Variants in TNFRSF13B observed in about 807,000 individuals in gnomAD.
The protein encoded by TNFRSF13B is tumor necrosis factor receptor superfamily member 13B.
In TNFRSF13B, 34 loss-of-function variants were observed where a neutral mutation model predicts 24.0. That is an observed-to-expected ratio of 1.41 (90% CI 1.08 to 1.88). The LOEUF (loss-of-function observed/expected upper bound fraction) is 1.88, where lower values mean the gene tolerates loss of function less well. Among genes scored for constraint, TNFRSF13B ranks in the 40% most tolerant of loss-of-function variants. The probability of loss-of-function intolerance (pLI) is 0.00; values close to 1 mark genes in which losing one functional copy is unlikely to be tolerated. For synonymous variants in TNFRSF13B, 173 were observed against 150.3 expected, an observed-to-expected ratio of 1.15 and a Z score of -1.10; for missense variants, 415 against 380.8, an observed-to-expected ratio of 1.09 and a Z score of -0.75.
At chr17:16,942,501 G>A (rs560508950) in intron 3 of TNFRSF13B, among the ~76,000 whole-genome samples, 347 of 152,260 alleles carry the variant, frequency 2.3e-3, no homozygotes, top group Non-Finnish European at 3.6e-3. Context: ...CTGTCCTTCT[G>A]TCCAGTGCCC....
chr17:16,941,916 A>G lies in TNFRSF13B; in HGVS notation c.446-1405T>C, dbSNP rs8079680. Reference sequence around the variant, plus strand: ...ACTTGGCTTTGAGTTTTCAAGGTCCACCATGTCCTGCCGTGCTGTGTATTA... The same window carrying G: ...ACTTGGCTTTGAGTTTTCAAGGTCCGCCATGTCCTGCCGTGCTGTGTATTA... On this transcript the variant is annotated intron_variant, in intron 3 of 4. Transcript: ENST00000261652. Among the ~76,000 whole-genome samples, 573 of 152,292 alleles carry G rather than the reference A, an allele frequency of 3.8e-3. 6 individuals carry two copies. Among genetic ancestry groups the G allele is most frequent in the African/African-American group, 0.013 (538 of 41,562 alleles).
At chr17:16,952,605 G>A in intron 1 of TNFRSF13B, 22 bp from the exon 2 acceptor site, 1 of 1,614,136 alleles carries the variant, frequency 6.2e-7, no homozygotes, top group Non-Finnish European at 8.5e-7. Context: ...GGAGAGTGAG[G>A]GCAGCTGGCA....
intron 1 of TNFRSF13B, among the ~76,000 whole-genome samples, chr17:16,955,658 C>A (rs1168921863): frequency 4.6e-5 from 7 of 152,146 alleles, no homozygotes; most frequent in African/African-American, 1.7e-4. Context: ...ATCATATTTA[C>A]GAAGTCAAGA....
chr17:16,971,090 G>C (rs905855470), intron 1 of TNFRSF13B, among the ~76,000 whole-genome samples: 1 of 152,220 alleles, frequency 6.6e-6, no homozygotes, highest in African/African-American at 2.4e-5. Context: ...GCTCATGCCT[G>C]TAATCCCAAT....
chr17:16,942,810 G>A (rs945119190), intron 3 of TNFRSF13B, among the ~76,000 whole-genome samples: 2 of 152,226 alleles, frequency 1.3e-5, no homozygotes, highest in African/African-American at 4.8e-5. Flanking sequence ...CCATGCAAGT[G>A]TTCAGAGACC....
chr17:16,971,200 T>A (rs1161501682), intron 1 of TNFRSF13B, among the ~76,000 whole-genome samples: 9 of 151,836 alleles, frequency 5.9e-5, no homozygotes, highest in Non-Finnish European at 1.3e-4. Context: ...ATACAAAAAA[T>A]TAGCCGGGCG....
At chr17:16,957,056 C>T (rs2087629850) in intron 1 of TNFRSF13B, among the ~76,000 whole-genome samples, 1 of 151,824 alleles carries the variant, frequency 6.6e-6, no homozygotes, top group South Asian at 2.1e-4. Flanking sequence ...AACAAATGCA[C>T]CATCTGGTTT....
intron 1 of TNFRSF13B, among the ~76,000 whole-genome samples, chr17:16,954,084 C>T (rs573979818): frequency 4.6e-5 from 7 of 152,206 alleles, no homozygotes; most frequent in South Asian, 2.1e-4. Flanking sequence ...TGTTCTTTAA[C>T]GAAAGCAAGC....
At chr17:16,949,066 A>T (rs991272910) in intron 2 of TNFRSF13B, 83 bp from the exon 3 acceptor site, 42 of 734,522 alleles carry the variant, frequency 5.7e-5, no homozygotes, top group Non-Finnish European at 7.8e-5. Flanking sequence ...CATCAAAGTT[A>T]AAAAAAAAAA....
At chr17:16,949,347 A>G (rs549171989) in intron 2 of TNFRSF13B, among the ~76,000 whole-genome samples, 27 of 152,350 alleles carry the variant, frequency 1.8e-4, no homozygotes, top group African/African-American at 6.0e-4. Context: ...ACATTGTTAC[A>G]TAAGACTTTT....
chr17:16,972,035 C>G lies in TNFRSF13B; in HGVS notation c.41G>C (p.Arg14Pro). Residue 14 changes from arginine (R) to proline (P), a missense_variant, in exon 1 of 5, where the codon CGT becomes CCT. Arg to Pro is a moderately radical substitution (Grantham distance 103). Coordinates refer to ENST00000261652, the MANE Select transcript of TNFRSF13B (RefSeq NM_012452.3). ...LGRSRRGGRS[R>P]VDQEERFPQG... ...CTCACAGCGCTCCTCCTGGTCCACACGGCTCCGGCCACCTCGCCTGCTCCG... is the reference window on the plus strand; with the variant it reads ...CTCACAGCGCTCCTCCTGGTCCACAGGGCTCCGGCCACCTCGCCTGCTCCG... 1 of 1,614,084 alleles carries G rather than the reference C, an allele frequency of 6.2e-7. No homozygotes were observed. Among genetic ancestry groups the G allele is most frequent in the Non-Finnish European group, 8.5e-7 (1 of 1,180,034 alleles).
At chr17:16,957,205 G>A (rs1277066523) in intron 1 of TNFRSF13B, among the ~76,000 whole-genome samples, 1 of 147,952 alleles carries the variant, frequency 6.8e-6, no homozygotes. Context: ...GAACCATACA[G>A]AAGTTCTGGA....
intron 3 of TNFRSF13B, among the ~76,000 whole-genome samples, chr17:16,947,312 T>C (rs527728579): frequency 1.3e-5 from 2 of 152,202 alleles, no homozygotes; most frequent in South Asian, 4.1e-4. Flanking sequence ...TATGACTAAG[T>C]CCTCAAAAGC....
intron 4 of TNFRSF13B, 44 bp from the exon 5 acceptor site, chr17:16,939,841 C>A: frequency 6.3e-7 from 1 of 1,592,838 alleles, no homozygotes; most frequent in East Asian, 2.2e-5. Flanking sequence ...CCTGGCCCTG[C>A]ACTAGGGTAG....
At chr17:16,949,885 C>T (rs972497036) in intron 2 of TNFRSF13B, among the ~76,000 whole-genome samples, 3 of 152,048 alleles carry the variant, frequency 2.0e-5, no homozygotes, top group African/African-American at 7.2e-5. Flanking sequence ...GGACTTTCGC[C>T]GTGTTGGCCA....
At chr17:16,943,030 G>T (rs960607040) in intron 3 of TNFRSF13B, among the ~76,000 whole-genome samples, 1 of 152,234 alleles carries the variant, frequency 6.6e-6, no homozygotes, top group Non-Finnish European at 1.5e-5. Context: ...AGAGGGGCAA[G>T]CCCTGAGATC....
At chr17:16,942,241 T>C (rs1045011953) in intron 3 of TNFRSF13B, among the ~76,000 whole-genome samples, 1 of 152,192 alleles carries the variant, frequency 6.6e-6, no homozygotes, top group South Asian at 2.1e-4. Flanking sequence ...GTCTAAGATA[T>C]TGTTCTCGGT....
Position 16,939,658 on chromosome 17 carries a change from TC to T in TNFRSF13B, c.770del (p.Gly257GlufsTer67). 6.2e-7 allele frequency: 1 copy of T among 1,612,370 alleles called. No individual in the cohort carries two copies. The highest frequency in any genetic ancestry group is 8.5e-7 in the Non-Finnish European group (1 of 1,178,828). ...TPGTPDPTCAGRWGCHTRTTV... is the reference protein window; with the variant it reads ...TPGTPDPTCAXRWGCHTRTTV... Reference sequence around the variant, plus strand: ...TGGTCCTGGTGTGGCACCCCCACCTTCCAGCACAAGTGGGGTCGGGGGTCCC... The same window carrying T: ...TGGTCCTGGTGTGGCACCCCCACCTTCAGCACAAGTGGGGTCGGGGGTCCC... On this transcript the variant is annotated frameshift_variant, in exon 5 of 5. Transcript: ENST00000261652. LOFTEE classifies it low-confidence loss of function (END_TRUNC).
intron 1 of TNFRSF13B, among the ~76,000 whole-genome samples, chr17:16,960,066 C>T (rs2087651583): frequency 6.6e-6 from 1 of 151,868 alleles, no homozygotes; most frequent in African/African-American, 2.4e-5. Flanking sequence ...AACCCAATGG[C>T]ACATGAAAAG....
Sources: allele counts gnomAD v4.1 joint callset (sites outside exome capture counted in the v4.1 genomes callset), GRCh38; gene constraint gnomAD v4.1.1; transcripts MANE v1.5; gene names NCBI Gene and HGNC (gene_info 2026-07-23, HGNC 2026-07-21).